The following SYCP3 variants were observed in gnomAD, a reference collection of about 807,000 sequenced individuals.
The protein encoded by SYCP3 is synaptonemal complex protein 3.
A neutral mutation model predicts 38.5 loss-of-function variants in SYCP3; 29 were observed. That is an observed-to-expected ratio of 0.75 (90% confidence interval 0.56 to 1.03). The LOEUF (loss-of-function observed/expected upper bound fraction) is 1.03, where lower values mean the gene tolerates loss of function less well. Ranked by LOEUF, SYCP3 falls within the 50% of genes least tolerant of loss-of-function variation. The pLI, the probability that SYCP3 is intolerant of heterozygous loss-of-function variation, is 0.00. For synonymous variants in SYCP3, 79 were observed against 80.3 expected (o/e 0.98, Z 0.08); for missense variants, 242 against 270.7 (o/e 0.89, Z 0.74).
rs186909718 is a variant in SYCP3 at position 101,735,576 on chromosome 12, G to A, written c.236-532C>T. On this transcript the variant is annotated intron_variant, in intron 4 of 8. Transcript: ENST00000392924. Reference sequence around the variant, plus strand: ...CTTGGCAGACTGAGGCAGGAGAATCGCTTGAACCCGGGAGGCAGAGGTTGC... The same window carrying A: ...CTTGGCAGACTGAGGCAGGAGAATCACTTGAACCCGGGAGGCAGAGGTTGC... Among the ~76,000 whole-genome samples the A allele has an allele frequency of 5.9e-3, 891 of 151,926 alleles. 6 individuals are homozygous for A. The highest frequency in any genetic ancestry group is 0.02 in the African/African-American group (849 of 41,444).
intron 4 of SYCP3, among the ~76,000 whole-genome samples, chr12:101,735,871 A>ATATATATATATATATATATATTTTT: frequency 5.4e-5 from 4 of 74,752 alleles, no homozygotes; most frequent in African/African-American, 1.3e-4. Context: ...ATATATATAT[A>ATATATATATATATATATATATTTTT]TTTTTTTTTT....
At chr12:101,735,831 T>TATG (rs1424342305) in intron 4 of SYCP3, among the ~76,000 whole-genome samples, 2 of 136,952 alleles carry the variant, frequency 1.5e-5, no homozygotes, top group Middle Eastern at 3.8e-3. Context: ...AGAAGAAAAC[T>TATG]ATTTTTAATA....
Position 101,729,196 on chromosome 12 carries a change from C to T in SYCP3, c.570G>A (p.Glu190=). 1 of 1,612,760 alleles carries T rather than the reference C, an allele frequency of 6.2e-7. No homozygotes were observed. Among genetic ancestry groups the T allele is most frequent in the African/African-American group, 1.3e-5 (1 of 74,922 alleles). ...EQFIKSMEEL[E]KNHDNLLTGA... is the part of the protein sequence containing the mutation. ...CAGTAAGTAGATTATCATGATTCTTCTCCAACTCTTCCATACTCTAAAAAC... is the reference window on the plus strand; with the variant it reads ...CAGTAAGTAGATTATCATGATTCTTTTCCAACTCTTCCATACTCTAAAAAC... The change falls in exon 8 of 9, where the codon GAG becomes GAA. Residue 190 remains glutamate, a synonymous_variant. Transcript: ENST00000392924.
In SYCP3 at chr12:101,731,584, T is replaced by C. The variant is rs1384776479; in HGVS notation, c.536A>G (p.Tyr179Cys). 6.2e-7 allele frequency: 1 copy of C among 1,605,276 alleles called. No individual in the cohort carries two copies. The highest frequency in any genetic ancestry group is 2.2e-5 in the East Asian group (1 of 44,616). The change falls in exon 7 of 9, where the codon TAT becomes TGT. Residue 179 changes from tyrosine (Y) to cysteine (C), a missense_variant. Transcript: ENST00000392924. The part of the protein sequence containing the change: ...SQRLKTIKQL[Y>C]EQFIKSMEEL... ...ACAACAAACCTTTATGAACTGCTCA[T>C]ATAACTGTTTAATTGTTTTCAATCT...
At chr12:101,735,871 A>ATATTTTT in intron 4 of SYCP3, among the ~76,000 whole-genome samples, 3 of 74,788 alleles carry the variant, frequency 4.0e-5, no homozygotes, top group South Asian at 4.2e-4. Flanking sequence ...ATATATATAT[A>ATATTTTT]TTTTTTTTTT....
At chr12:101,737,210 A>C (rs1178001472) in intron 3 of SYCP3, 22 bp downstream of exon 3, 2 of 1,612,766 alleles carry the variant, frequency 1.2e-6, no homozygotes, top group Admixed American at 1.7e-5. Flanking sequence ...CTAAGAAACA[A>C]AAATTATTTT....
At chr12:101,734,840 G>T in intron 5 of SYCP3, 87 bp downstream of exon 5, 2 of 947,354 alleles carry the variant, frequency 2.1e-6, no homozygotes, top group Non-Finnish European at 3.4e-6. Flanking sequence ...GAGCCACCGT[G>T]CCGATCCTAG....
intron 6 of SYCP3, 97 bp downstream of exon 6, chr12:101,733,478 A>T (rs371708767): frequency 1.8e-6 from 2 of 1,116,712 alleles, no homozygotes; most frequent in South Asian, 1.3e-5. Flanking sequence ...GCAATGGTTA[A>T]TGAAACCTGG....
chr12:101,733,626 C>A lies in SYCP3; in HGVS notation c.402G>T (p.Gln134His). 1 of 1,612,386 alleles carries A rather than the reference C, an allele frequency of 6.2e-7. No individual in the cohort carries two copies. Among genetic ancestry groups the A allele is most frequent in the Non-Finnish European group, 8.5e-7 (1 of 1,179,964 alleles). ...CTTTCTGCATATCTAAATCCCACTG[C>A]TGAAACAAAGTCAGAAACTGCTGAG... ...EYSQQFLTLF[Q>H]QWDLDMQKAE... Residue 134 changes from glutamine (Q) to histidine (H), a missense_variant, in exon 6 of 9, where the codon CAG becomes CAT. Coordinates refer to ENST00000392924, the MANE Select transcript of SYCP3 (RefSeq NM_001177949.2).
In SYCP3 at chr12:101,734,934, C is replaced by G; in HGVS notation, c.346G>C (p.Asp116His). 1 of 1,606,314 alleles carries G rather than the reference C, an allele frequency of 6.2e-7. No individual in the cohort carries two copies. Among genetic ancestry groups the G allele is most frequent in the Non-Finnish European group, 8.5e-7 (1 of 1,173,238 alleles). Reference protein sequence around the residue: ...KIEHVWKTQQDQRQKLNQEYS... With the variant: ...KIEHVWKTQQHQRQKLNQEYS... ...AAAAAGCAACCACCTTACCTTTGAT[C>G]TTGTTGTGTTTTCCAAACATGTTCA... is the stretch of plus-strand genomic sequence containing the variant. The change falls in exon 5 of 9, where the codon GAT becomes CAT. Residue 116 changes from aspartate to histidine, a missense_variant. Asp to His is a moderately conservative substitution (Grantham distance 81, BLOSUM62 -1). Transcript: ENST00000392924.
rs140320814 is a variant in SYCP3 at position 101,731,624 on chromosome 12, T to G, written c.496A>C (p.Ile166Leu). Residue 166 changes from isoleucine to leucine, a missense_variant, in exon 7 of 9, where the codon ATT (isoleucine) becomes CTT (leucine). Ile to Leu is a conservative substitution (Grantham distance 5). Transcript: ENST00000392924. Reference protein sequence around the residue: ...QQQKILQQSRIVQSQRLKTIK... With the variant: ...QQQKILQQSRLVQSQRLKTIK... ...GTTTTCAATCTCTGGCTCTGAACAA[T>G]TCTAGATTGTTGAAGAATCTTTTGT... is the stretch of plus-strand genomic sequence containing the variant. 1.4e-5 allele frequency: 23 copies of G among 1,604,932 alleles called. No homozygotes were observed. The African/African-American group carries it at 2.8e-4, about 20-fold the overall frequency.
chr12:101,730,512 T>TC lies in SYCP3; in HGVS notation c.552+1055_552+1056insG, dbSNP rs1355859640. The TC allele has an allele frequency of 1.2e-5, 5 of 405,292 alleles. No homozygotes were observed. In the Admixed American group the frequency reaches 1.5e-4, roughly 12 times the overall value. The allele number at this position is 405,292 out of a possible 1,614,324, so 25.1% of individuals were successfully genotyped here. On this transcript the variant is annotated intron_variant, in intron 7 of 8. Coordinates refer to ENST00000392924, the MANE Select transcript of SYCP3 (RefSeq NM_001177949.2). ...TATAATTTTTTTTTTTTTTTTTTTT[T>TC]TGAGGCAGGGTCTCGCTGTCGCCCA...
chr12:101,731,856 C>T (rs1260988650), intron 6 of SYCP3, 190 bp from the exon 7 acceptor site: 3 of 426,462 alleles, frequency 7.0e-6, no homozygotes, highest in African/African-American at 6.1e-5. Flanking sequence ...ATTAATTCTA[C>T]CAGTTGCTGA....
chr12:101,737,396 G>A (rs1021232110), intron 2 of SYCP3, 98 bp from the exon 3 acceptor site: 10 of 1,176,298 alleles, frequency 8.5e-6, no homozygotes, highest in African/African-American at 1.5e-5. Flanking sequence ...GGATTTTTAG[G>A]CTTTTTGCCA....
intron 4 of SYCP3, among the ~76,000 whole-genome samples, chr12:101,735,813 ATAGT>A (rs5800484): frequency 0.068 from 9,652 of 142,358 alleles, 461 homozygotes; most frequent in East Asian, 0.11. Flanking sequence ...AAGGATAAAA[ATAGT>A]TAAAGAAGAA....
chr12:101,731,505 C>A, intron 7 of SYCP3, 63 bp downstream of exon 7: 1 of 1,146,334 alleles, frequency 8.7e-7, no homozygotes. Context: ...AAAGAATTAT[C>A]TTCTACTTCC....
chr12:101,732,053 C>G (rs895332001), intron 6 of SYCP3: 5 of 204,300 alleles, frequency 2.4e-5, no homozygotes, highest in African/African-American at 1.2e-4. Flanking sequence ...ACTAATAATT[C>G]TAACCACTAC....
At chr12:101,735,529 C>T (rs181650004) in intron 4 of SYCP3, among the ~76,000 whole-genome samples, 3 of 152,000 alleles carry the variant, frequency 2.0e-5, no homozygotes, top group East Asian at 1.9e-4. Context: ...GGCGTGGTGG[C>T]GCACACCTGT....
intron 4 of SYCP3, among the ~76,000 whole-genome samples, chr12:101,735,871 A>ATATATATATATATATATATATATATT: frequency 4.0e-5 from 3 of 74,746 alleles, no homozygotes; most frequent in African/African-American, 1.3e-4. Flanking sequence ...ATATATATAT[A>ATATATATATATATATATATATATATT]TTTTTTTTTT....
Sources: allele counts gnomAD v4.1 joint callset (sites outside exome capture counted in the v4.1 genomes callset), GRCh38; gene constraint gnomAD v4.1.1; transcripts MANE v1.5; gene names NCBI Gene and HGNC (gene_info 2026-07-23, HGNC 2026-07-21).